The following CHD8 variants were observed in gnomAD, a reference collection of about 807,000 sequenced individuals.
CHD8 encodes the protein chromodomain helicase DNA binding protein 8.
In CHD8, 31 loss-of-function variants were observed where a neutral mutation model predicts 279.2. The ratio of observed to expected loss-of-function variants is 0.11; its 90% CI spans 0.08 to 0.15. The LOEUF (loss-of-function observed/expected upper bound fraction) is 0.15, where lower values mean the gene tolerates loss of function less well. Ranked by LOEUF, CHD8 falls within the 10% of genes least tolerant of loss-of-function variation. The pLI, the probability that CHD8 is intolerant of heterozygous loss-of-function variation, is 1.00. For synonymous variants in CHD8, 1,081 were observed against 1,139.6 expected (o/e 0.95, Z 1.04); for missense variants, 2,146 against 3,230.5 (o/e 0.66, Z 8.14).
chr14:21,428,052 C>T lies in CHD8; in HGVS notation c.1418G>A (p.Arg473His), dbSNP rs202169867. The T allele has an allele frequency of 3.7e-6, 6 of 1,613,938 alleles. No individual in the cohort carries two copies. Among genetic ancestry groups the T allele is most frequent in the Admixed American group, 3.3e-5 (2 of 60,010 alleles). Residue 473 changes from arginine (R) to histidine (H), a missense_variant, in exon 4 of 38, where the codon CGT (arginine) becomes CAT (histidine). Transcript: ENST00000646647. ...RIVAEAIARA[R>H]ARGEQNIPRV... ...AGGTATGTTCTGCTCACCGCGGGCA[C>T]GGGCTCTCGCAATGGCCTCTGCTAC...
In CHD8 at chr14:21,408,603, T is replaced by C; in HGVS notation, c.2487-48A>G. On this transcript the variant is annotated intron_variant, in intron 12 of 37. Coordinates refer to ENST00000646647, the MANE Select transcript of CHD8 (RefSeq NM_001170629.2). The surrounding 1 kb of genome is among the most constrained non-coding windows in gnomAD (Gnocchi z 4.3). ...AAAAAATGTTAAAAGATACTATCTT[T>C]AAAAAAAATAGAGTATGTAGGAAGA... The C allele has an allele frequency of 6.4e-7, 1 of 1,567,530 alleles. No homozygotes were observed. Among genetic ancestry groups the C allele is most frequent in the Non-Finnish European group, 8.6e-7 (1 of 1,157,556 alleles).
At chr14:21,401,307 A>T in intron 21 of CHD8, 96 bp downstream of exon 21, 1 of 819,114 alleles carries the variant, frequency 1.2e-6, no homozygotes, top group Non-Finnish European at 1.9e-6. Flanking sequence ...CACCATCATA[A>T]ATCACAATTA....
intron 1 of CHD8, among the ~76,000 whole-genome samples, chr14:21,450,612 C>G (rs1890234294): frequency 6.6e-6 from 1 of 151,704 alleles, no homozygotes; most frequent in Non-Finnish European, 1.5e-5. Flanking sequence ...TATAATTGCA[C>G]CACTGCACTC....
chr14:21,449,496 A>G (rs1890207700), intron 1 of CHD8, among the ~76,000 whole-genome samples: 1 of 152,206 alleles, frequency 6.6e-6, no homozygotes, highest in South Asian at 2.1e-4. Flanking sequence ...TGTTAGGCAG[A>G]ATGGAGGGAT....
At chr14:21,442,942 C>G (rs571398329) in intron 1 of CHD8, among the ~76,000 whole-genome samples, 1 of 152,274 alleles carries the variant, frequency 6.6e-6, no homozygotes, top group East Asian at 1.9e-4. Flanking sequence ...TATATCCATT[C>G]TGAAGAATGT....
Position 21,402,196 on chromosome 14 carries a change from T to A in CHD8, c.3883-60A>T. 2 of 1,464,268 alleles carry A rather than the reference T, an allele frequency of 1.4e-6. No individual in the cohort carries two copies. Among genetic ancestry groups the A allele is most frequent in the Non-Finnish European group, 1.9e-6 (2 of 1,075,018 alleles). The allele number at this position is 1,464,268 out of a possible 1,614,324, so 90.7% of individuals were successfully genotyped here. A position where few individuals can be genotyped will look rare whatever the true frequency, so the allele number is the denominator to read the frequency against. On this transcript the variant is annotated intron_variant, in intron 19 of 37. Transcript: ENST00000646647. This position sits in a 1 kb window ranked among gnomAD's most constrained non-coding sequence, Gnocchi z 4.5. ...AAGAGAATAATATCTAACCATGCCA[T>A]AATATTTTAGCTATTATATTTTAAG...
chr14:21,422,749 G>A (rs1024508557), intron 5 of CHD8, among the ~76,000 whole-genome samples: 8 of 152,034 alleles, frequency 5.3e-5, no homozygotes, highest in African/African-American at 9.7e-5. Flanking sequence ...CCAACACGGC[G>A]AAACCCTGTC....
At chr14:21,437,388 T>A (rs1160394649) in intron 1 of CHD8, 2 of 443,634 alleles carry the variant, frequency 4.5e-6, no homozygotes, top group Non-Finnish European at 6.2e-6. Flanking sequence ...CCCTTCCCCC[T>A]CCCCCGCAGG....
chr14:21,454,729 G>C (rs982977246), intron 1 of CHD8, among the ~76,000 whole-genome samples: 1 of 152,072 alleles, frequency 6.6e-6, no homozygotes, highest in Non-Finnish European at 1.5e-5. Flanking sequence ...TCTTGCAGCA[G>C]AAGGTCTTCT....
Position 21,413,007 on chromosome 14 carries a change from T to C in CHD8, c.2143-11A>G. The C allele has an allele frequency of 1.3e-6, 2 of 1,547,208 alleles. No homozygotes were observed. The highest frequency in any genetic ancestry group is 1.8e-6 in the Non-Finnish European group (2 of 1,120,650). On this transcript the variant is annotated splice_polypyrimidine_tract_variant and intron_variant, in intron 9 of 37. Transcript: ENST00000646647. ...AAAGGGCTCTTCATCCTAGATGAGT[T>C]AGGAAACCAAACAATAAGACCAAAA...
intron 14 of CHD8, among the ~76,000 whole-genome samples, chr14:21,406,142 A>G (rs1021149919): frequency 6.6e-6 from 1 of 152,298 alleles, no homozygotes; most frequent in Non-Finnish European, 1.5e-5. Context: ...TGTTTATTCC[A>G]ATTACACATG....
intron 10 of CHD8, among the ~76,000 whole-genome samples, chr14:21,411,213 A>G (rs1010390056): frequency 3.7e-4 from 56 of 152,338 alleles, no homozygotes; most frequent in Admixed American, 3.1e-3. Context: ...TAAGAATTTA[A>G]GAGTAGCTAA....
In CHD8 at chr14:21,412,903, A is replaced by G. The variant is rs746147842; in HGVS notation, c.2226+10T>C. On this transcript the variant is annotated intron_variant, in intron 10 of 37. Transcript: ENST00000646647. ...GGATGTTCACGTTACTCCATGCCTC[A>G]ACAACTCACCTCCCCATTGTCCTTG... 5 of 1,561,924 alleles carry G rather than the reference A, an allele frequency of 3.2e-6. No individual in the cohort carries two copies. Among genetic ancestry groups the G allele is most frequent in the Non-Finnish European group, 4.4e-6 (5 of 1,133,002 alleles).
chr14:21,435,765 G>T (rs1337386966), intron 1 of CHD8, among the ~76,000 whole-genome samples: 2 of 152,060 alleles, frequency 1.3e-5, no homozygotes, highest in Non-Finnish European at 2.9e-5. Context: ...CATTGTTTAG[G>T]CTATTTATAT....
At position 21,418,616 on chromosome 14, in the gene CHD8, C is replaced by G. The variant is rs1393744498; in HGVS notation, c.1717-2709G>C. ...ATATCATGAGGTCAGGAGATCGAGA[C>G]CATCCTGGCTAACACGGTGAAACCC... On this transcript the variant is annotated intron_variant, in intron 5 of 37. Transcript: ENST00000646647. 2.0e-5 allele frequency among the ~76,000 whole-genome samples: 3 copies of G among 152,246 alleles called. No homozygotes were observed. In the South Asian group the frequency reaches 6.2e-4, roughly 32 times the overall value.
chr14:21,387,845 C>T (rs1887338111), intron 37 of CHD8, among the ~76,000 whole-genome samples: 1 of 148,044 alleles, frequency 6.8e-6, no homozygotes, highest in East Asian at 2.0e-4. Flanking sequence ...CTGTACTAGT[C>T]ATATTAGGAT....
In CHD8 at chr14:21,415,914, A is replaced by T. The variant is rs1566433987; in HGVS notation, c.1717-7T>A. On this transcript the variant is annotated splice_polypyrimidine_tract_variant and splice_region_variant and intron_variant, in intron 5 of 37. Coordinates refer to ENST00000646647, the MANE Select transcript of CHD8 (RefSeq NM_001170629.2). ...GGCGGTTTGAGCGTCTCTTCTGTAG[A>T]GCAAAAAGTAGTTAGAGTGACTAGT... The T allele has an allele frequency of 6.2e-7, 1 of 1,606,968 alleles. No individual in the cohort carries two copies. The highest frequency in any genetic ancestry group is 8.5e-7 in the Non-Finnish European group (1 of 1,177,226).
In CHD8 at chr14:21,408,220, TAA is replaced by T. The variant is rs1888335903; in HGVS notation, c.2730+90_2730+91del. The stretch of plus-strand genomic sequence containing the variant: ...GCATAGGCATATTGAAGACTTTCAA[TAA>T]AAGTCTTCTATTCATATATAGCCCT... On this transcript the variant is annotated intron_variant, in intron 13 of 37. Transcript: ENST00000646647. The surrounding 1 kb of genome is among the most constrained non-coding windows in gnomAD (Gnocchi z 4.3). 1 of 1,461,336 alleles carries T rather than the reference TAA, an allele frequency of 6.8e-7. No individual in the cohort carries two copies. Among genetic ancestry groups the T allele is most frequent in the Non-Finnish European group, 9.2e-7 (1 of 1,087,136 alleles). The allele number at this position is 1,461,336 out of a possible 1,614,324, so 90.5% of individuals were successfully genotyped here.
chr14:21,418,838 A>T (rs1371244272), intron 5 of CHD8, among the ~76,000 whole-genome samples: 1 of 152,194 alleles, frequency 6.6e-6, no homozygotes, highest in Non-Finnish European at 1.5e-5. Context: ...AAATAAATAA[A>T]TAAAGTTCAA....
Sources: allele counts gnomAD v4.1 joint callset (sites outside exome capture counted in the v4.1 genomes callset), GRCh38; gene constraint gnomAD v4.1.1; non-coding constraint Gnocchi (gnomAD v3.1); transcripts MANE v1.5; gene names NCBI Gene and HGNC (gene_info 2026-07-23, HGNC 2026-07-21).